POT1: variants seen among roughly 807,000 people sequenced by gnomAD.
The protein encoded by POT1 is protection of telomeres protein 1.
POT1 carries 47 observed loss-of-function variants against 78.5 expected under a neutral mutation model. That is an observed-to-expected ratio of 0.60 (90% CI 0.47 to 0.76). The LOEUF (loss-of-function observed/expected upper bound fraction) is 0.76, where lower values mean the gene tolerates loss of function less well. Ranked by LOEUF, POT1 falls within the 30% of genes least tolerant of loss-of-function variation. The pLI, the probability that POT1 is intolerant of heterozygous loss-of-function variation, is 0.00. For missense variants in POT1, 646 were observed against 749.9 expected, an observed-to-expected ratio of 0.86 and a Z score of 1.62; for synonymous variants, 259 against 260.7, an observed-to-expected ratio of 0.99 and a Z score of 0.06.
chr7:124,845,699 T>C (rs73719058), intron 12 of POT1, among the ~76,000 whole-genome samples: 2,079 of 152,290 alleles, frequency 0.014, 47 homozygotes, highest in African/African-American at 0.048. Context: ...ATGACTATCA[T>C]GGTTACAAAA....
chr7:124,835,794 G>T (rs1794886553), intron 14 of POT1, among the ~76,000 whole-genome samples: 2 of 152,160 alleles, frequency 1.3e-5, no homozygotes, highest in South Asian at 4.1e-4. Context: ...GGCAAATTTA[G>T]AGTTTAAATC....
intron 3 of POT1, among the ~76,000 whole-genome samples, chr7:124,907,372 A>C (rs1448494226): frequency 2.6e-5 from 4 of 152,090 alleles, no homozygotes; most frequent in Non-Finnish European, 5.9e-5. Flanking sequence ...AAATGAAGTC[A>C]GTAAAGGTCT....
chr7:124,855,485 A>G (rs1385391858), intron 9 of POT1, among the ~76,000 whole-genome samples: 2 of 151,798 alleles, frequency 1.3e-5, no homozygotes, highest in Non-Finnish European at 2.9e-5. Context: ...GCAGCATTGT[A>G]TTTTTTCAAA....
chr7:124,835,035 T>G (rs917171205), intron 15 of POT1, among the ~76,000 whole-genome samples: 2 of 151,278 alleles, frequency 1.3e-5, no homozygotes, highest in South Asian at 2.1e-4. Context: ...TAAGTGGGAG[T>G]TGAACAATGA....
chr7:124,842,647 C>G (rs1452440760), intron 13 of POT1, among the ~76,000 whole-genome samples, 160 bp downstream of exon 13: 1 of 151,872 alleles, frequency 6.6e-6, no homozygotes, highest in Non-Finnish European at 1.5e-5. Flanking sequence ...ATAATTTATT[C>G]TCTAAGAATT....
intron 7 of POT1, among the ~76,000 whole-genome samples, chr7:124,869,605 CAG>C (rs1336319871): frequency 6.6e-6 from 1 of 151,968 alleles, no homozygotes; most frequent in East Asian, 1.9e-4. Context: ...ATTTTTGAGT[CAG>C]AGTTTTCTCT....
chr7:124,907,166 A>C (rs947242675), intron 3 of POT1, among the ~76,000 whole-genome samples: 12 of 152,270 alleles, frequency 7.9e-5, no homozygotes, highest in Non-Finnish European at 1.2e-4. Flanking sequence ...CTAAAAACAC[A>C]TTTGGAATCA....
intron 6 of POT1, among the ~76,000 whole-genome samples, chr7:124,874,839 A>G (rs543695299): frequency 6.6e-6 from 1 of 151,776 alleles, no homozygotes; most frequent in Non-Finnish European, 1.5e-5. Flanking sequence ...GGGAGAAAGA[A>G]GGGAGGAAAG....
At chr7:124,848,014 G>A (rs767002318) in intron 11 of POT1, among the ~76,000 whole-genome samples, 14 of 152,186 alleles carry the variant, frequency 9.2e-5, no homozygotes, top group African/African-American at 2.2e-4. Context: ...AATGTCTACC[G>A]CATATCATGT....
intron 3 of POT1, among the ~76,000 whole-genome samples, chr7:124,909,759 A>C (rs1264086016): frequency 1.1e-4 from 17 of 151,944 alleles, no homozygotes; most frequent in Non-Finnish European, 1.8e-4. Context: ...GTAAAACACT[A>C]ATACCTAATG....
At chr7:124,824,230 T>C (rs1023428863) in intron 18 of POT1, among the ~76,000 whole-genome samples, 156 bp from the exon 19 acceptor site, 4 of 151,952 alleles carry the variant, frequency 2.6e-5, no homozygotes, top group African/African-American at 9.7e-5. Context: ...CATTATTCTC[T>C]CTTCAAAATA....
chr7:124,895,254 A>G (rs1307431716), intron 5 of POT1, among the ~76,000 whole-genome samples: 1 of 151,662 alleles, frequency 6.6e-6, no homozygotes, highest in East Asian at 1.9e-4. Flanking sequence ...TGTCCATGAG[A>G]AAACCATCGG....
intron 3 of POT1, among the ~76,000 whole-genome samples, chr7:124,901,283 C>G (rs970357003): frequency 6.6e-6 from 1 of 152,292 alleles, no homozygotes; most frequent in Non-Finnish European, 1.5e-5. Context: ...CAGCTGGGTG[C>G]CCCTCTGAGA....
intron 7 of POT1, among the ~76,000 whole-genome samples, chr7:124,870,230 T>C (rs1375058197): frequency 1.3e-5 from 2 of 152,078 alleles, no homozygotes; most frequent in Non-Finnish European, 2.9e-5. Flanking sequence ...CAGAAGTGCA[T>C]TGAACAAAAA....
At position 124,824,009 on chromosome 7, in the gene POT1, T is replaced by C. The variant is rs1372194810; in HGVS notation, c.1858A>G (p.Ile620Val). ...YNVTNGTDNQICYQIFDTTVA... is the reference protein window; with the variant it reads ...YNVTNGTDNQVCYQIFDTTVA... ...GTGGTGTCAAAAATCTGATAGCAAA[T>C]TTGATTATCTGTTCCATTTGTGACA... The change falls in exon 19 of 19, where the codon ATT becomes GTT. Residue 620 changes from isoleucine to valine, a missense_variant. Transcript: ENST00000357628. 6.2e-7 allele frequency: 1 copy of C among 1,608,410 alleles called. No homozygotes were observed. The highest frequency in any genetic ancestry group is 8.5e-7 in the Non-Finnish European group (1 of 1,175,766).
chr7:124,897,250 T>A (rs764747899), intron 4 of POT1, 38 bp from the exon 5 acceptor site: 29 of 924,882 alleles, frequency 3.1e-5, no homozygotes, highest in Non-Finnish European at 4.8e-5. Context: ...TGTATACAGA[T>A]AACCTCCAAT....
chr7:124,890,715 A>G (rs1319980399), intron 6 of POT1, among the ~76,000 whole-genome samples: 1 of 151,900 alleles, frequency 6.6e-6, no homozygotes, highest in Non-Finnish European at 1.5e-5. Flanking sequence ...TACTGTATTT[A>G]TCATCAAGGT....
intron 12 of POT1, among the ~76,000 whole-genome samples, chr7:124,844,499 G>A (rs1388491570): frequency 2.0e-5 from 3 of 148,776 alleles, no homozygotes; most frequent in Admixed American, 6.7e-5. Context: ...CACTTTGGGA[G>A]GCCGAGGCGG....
intron 7 of POT1, among the ~76,000 whole-genome samples, chr7:124,864,074 G>T (rs371738622): frequency 6.6e-6 from 1 of 152,130 alleles, no homozygotes; most frequent in Admixed American, 6.6e-5. Flanking sequence ...TCAGGCTAGA[G>T]TTTAATCAGA....
Sources: allele counts gnomAD v4.1 joint callset (sites outside exome capture counted in the v4.1 genomes callset), GRCh38; gene constraint gnomAD v4.1.1; transcripts MANE v1.5; gene names NCBI Gene and HGNC (gene_info 2026-07-23, HGNC 2026-07-21).